C12orf54: variants seen among roughly 807,000 people sequenced by gnomAD.
C12orf54 encodes the protein uncharacterized protein C12orf54.
Under a neutral mutation model 26.4 loss-of-function variants are expected in C12orf54, and 24 were observed. The observed-to-expected ratio is 0.91, with a 90% CI of 0.66 to 1.28. The LOEUF (loss-of-function observed/expected upper bound fraction) is 1.28. Ranked by LOEUF, C12orf54 falls within the 50% of genes most tolerant of loss-of-function variation. The pLI is 0.00. For synonymous variants in C12orf54, 54 were observed against 47.0 expected, an observed-to-expected ratio of 1.15 and a Z score of -0.61; for missense variants, 154 against 150.9, an observed-to-expected ratio of 1.02 and a Z score of -0.11.
chr12:48,453,453 A>G, the C12orf54 span, among the ~76,000 whole-genome samples: 1 of 150,872 alleles, frequency 6.6e-6, no homozygotes, highest in Non-Finnish European at 1.5e-5. Flanking sequence ...GTGTTTACCT[A>G]TGCAACAAAC....
the C12orf54 span, among the ~76,000 whole-genome samples, chr12:48,468,686 GT>G: frequency 1.6e-4 from 25 of 152,020 alleles, no homozygotes; most frequent in African/African-American, 5.8e-4. Flanking sequence ...ACATGTGCAG[GT>G]TGGTTACATG....
chr12:48,453,933 C>A, the C12orf54 span, among the ~76,000 whole-genome samples: 6 of 151,994 alleles, frequency 3.9e-5, no homozygotes, highest in Non-Finnish European at 7.4e-5. Flanking sequence ...GAAGTGCCTT[C>A]TTTTGATTTA....
At chr12:48,443,106 T>G in the C12orf54 span, among the ~76,000 whole-genome samples, 122,338 of 152,132 alleles carry the variant, frequency 0.8, 49,527 homozygotes, top group East Asian at 0.88. Flanking sequence ...TCTGTCCCTA[T>G]ATTTCCTAAA....
At chr12:48,465,813 C>G in the C12orf54 span, among the ~76,000 whole-genome samples, 2 of 152,094 alleles carry the variant, frequency 1.3e-5, no homozygotes, top group Non-Finnish European at 2.9e-5. Flanking sequence ...AACACAGGAA[C>G]AGAAAACCAA....
the C12orf54 span, among the ~76,000 whole-genome samples, chr12:48,443,105 A>G: frequency 6.6e-6 from 1 of 152,210 alleles, no homozygotes; most frequent in Non-Finnish European, 1.5e-5. Context: ...CTCTGTCCCT[A>G]TATTTCCTAA....
chr12:48,416,591 G>A, the C12orf54 span, among the ~76,000 whole-genome samples: 1 of 152,214 alleles, frequency 6.6e-6, no homozygotes, highest in Non-Finnish European at 1.5e-5. Flanking sequence ...GCTGGGCACA[G>A]TGGCTCATGC....
intron 8 of C12orf54, chr12:48,495,640 T>C (rs1180304085): frequency 6.6e-6 from 1 of 152,604 alleles, no homozygotes; most frequent in Non-Finnish European, 1.5e-5. Flanking sequence ...ACCCTCTATA[T>C]GGCCTTCTCT....
the C12orf54 span, among the ~76,000 whole-genome samples, chr12:48,456,522 T>A: frequency 6.6e-6 from 1 of 152,248 alleles, no homozygotes; most frequent in East Asian, 1.9e-4. Context: ...GAGATTAAGA[T>A]CATGGACTCT....
At chr12:48,489,441 C>G in intron 5 of C12orf54, 1 of 256,444 alleles carries the variant, frequency 3.9e-6, no homozygotes, top group South Asian at 4.7e-5. Flanking sequence ...CTCTCTCTCT[C>G]TTTGAGACAG....
rs1374171148 is a variant in C12orf54, at chr12:48,493,140, CTG to C, written c.242+149_242+150del. Reference sequence around the variant, plus strand: ...GGGCAAGAAGTGCCTCCCCACCCAACTGTGTCTACTAATGGTGAACTACAGAG... The same window carrying C: ...GGGCAAGAAGTGCCTCCCCACCCAACTGTCTACTAATGGTGAACTACAGAG... On this transcript the variant is annotated intron_variant, in intron 7 of 8. Transcript: ENST00000548364. 5 of 692,730 alleles carry C rather than the reference CTG, an allele frequency of 7.2e-6. No individual in the cohort carries two copies. The African/African-American group carries it at 8.8e-5, about 12-fold the overall frequency. 42.9% of individuals were successfully genotyped at this position (692,730 alleles called of 1,614,324 possible). A position where few individuals can be genotyped will look rare whatever the true frequency, so the allele number is the denominator to read the frequency against.
the C12orf54 span, among the ~76,000 whole-genome samples, chr12:48,429,020 G>A: frequency 6.6e-6 from 1 of 152,036 alleles, no homozygotes; most frequent in African/African-American, 2.4e-5. Flanking sequence ...ACATACGCAA[G>A]TCAATAAATG....
At chr12:48,495,122 T>C in intron 8 of C12orf54, 143 bp downstream of exon 8, 3 of 609,468 alleles carry the variant, frequency 4.9e-6, no homozygotes, top group Non-Finnish European at 8.3e-6. Context: ...GGCAATAGGG[T>C]GAGAGGGTGG....
At chr12:48,435,530 A>C in the C12orf54 span, among the ~76,000 whole-genome samples, 2 of 152,372 alleles carry the variant, frequency 1.3e-5, no homozygotes, top group Non-Finnish European at 2.9e-5. Context: ...GGTTACCCAC[A>C]AAGGGAAGCC....
chr12:48,473,181 G>A, the C12orf54 span: 1 of 1,404,464 alleles, frequency 7.1e-7, no homozygotes, highest in Non-Finnish European at 1.0e-6. Flanking sequence ...CAAGGAGGAG[G>A]ATGAGGATGA....
the C12orf54 span, among the ~76,000 whole-genome samples, chr12:48,453,278 G>T: frequency 6.6e-6 from 1 of 151,954 alleles, no homozygotes; most frequent in Non-Finnish European, 1.5e-5. Context: ...ATAAGTGGGA[G>T]CTGAATGATG....
chr12:48,444,308 GA>G, the C12orf54 span, among the ~76,000 whole-genome samples: 5 of 152,300 alleles, frequency 3.3e-5, no homozygotes, highest in South Asian at 1.0e-3. Flanking sequence ...GAAGATGCTG[GA>G]AAGTCAGGGA....
At chr12:48,423,612 A>G in the C12orf54 span, among the ~76,000 whole-genome samples, 2 of 152,110 alleles carry the variant, frequency 1.3e-5, no homozygotes, top group Non-Finnish European at 2.9e-5. Flanking sequence ...TTTAAGCTAC[A>G]TAGCACTCTG....
At chr12:48,480,625 G>A (rs975955508), upstream of C12orf54, among the ~76,000 whole-genome samples, 14 of 152,140 alleles carry the variant, frequency 9.2e-5, no homozygotes, top group South Asian at 1.0e-3. Flanking sequence ...AAATTAGTTC[G>A]GCCCCTATAG....
chr12:48,428,492 A>T, the C12orf54 span, among the ~76,000 whole-genome samples: 38 of 152,224 alleles, frequency 2.5e-4, no homozygotes, highest in African/African-American at 9.1e-4. Context: ...AAGATATTAC[A>T]ACTGACACCA....
Sources: gnomAD v4.1 joint callset for allele counts (sites outside exome capture counted in the v4.1 genomes callset) on GRCh38, gnomAD v4.1.1 for gene constraint, MANE v1.5 for transcripts, NCBI Gene and HGNC (gene_info 2026-07-23, HGNC 2026-07-21) for gene names.